KCNT2: variants seen among roughly 807,000 people sequenced by gnomAD.
KCNT2 encodes potassium sodium-activated channel subfamily T member 2, also known as potassium channel subfamily T member 2.
In KCNT2, 67 loss-of-function variants were observed where a neutral mutation model predicts 153.8. That is an observed-to-expected ratio of 0.44 (90% CI 0.36 to 0.53). The LOEUF (loss-of-function observed/expected upper bound fraction) is 0.53, where lower values mean the gene tolerates loss of function less well. KCNT2 is among the 20% of genes least tolerant of loss of function. The pLI is 0.00. For synonymous variants in KCNT2, 500 were observed against 458.8 expected (o/e 1.09, Z -1.15); for missense variants, 975 against 1,354.8 (o/e 0.72, Z 4.40).
At chr1:196,512,469 C>G (rs1370247412) in intron 1 of KCNT2, among the ~76,000 whole-genome samples, 1 of 152,148 alleles carries the variant, frequency 6.6e-6, no homozygotes, top group Non-Finnish European at 1.5e-5. Flanking sequence ...TCCCTGAAAC[C>G]TCCTTTCCAT....
In KCNT2 at chr1:196,338,656, T is replaced by A. The variant is rs1049072150; in HGVS notation, c.1783+1685A>T. On this transcript the variant is annotated intron_variant, in intron 16 of 27. Transcript: ENST00000294725. ...GAAATGATGCTATCAAAATTATATT[T>A]AAAAATTTTTACTCTGGTGGCAGGA... Among the ~76,000 whole-genome samples, 3 of 152,098 alleles carry A rather than the reference T, an allele frequency of 2.0e-5. No homozygotes were observed. In the South Asian group the frequency reaches 6.2e-4, roughly 32 times the overall value.
intron 1 of KCNT2, among the ~76,000 whole-genome samples, chr1:196,605,097 A>T (rs1187698504): frequency 6.6e-6 from 1 of 152,182 alleles, no homozygotes; most frequent in Non-Finnish European, 1.5e-5. Context: ...TGGAGTTTGA[A>T]ATTCTTACAG....
At position 196,424,064 on chromosome 1, in the gene KCNT2, T is replaced by C. The variant is rs557906410; in HGVS notation, c.1122-951A>G. On this transcript the variant is annotated intron_variant, in intron 11 of 27. Transcript: ENST00000294725. ...ACTGCGTCACTCTAACTTGTTTTTTTAAATAGCTTTTAGAGTATGACCAGA... is the reference window on the plus strand; with the variant it reads ...ACTGCGTCACTCTAACTTGTTTTTTCAAATAGCTTTTAGAGTATGACCAGA... 7.2e-5 allele frequency among the ~76,000 whole-genome samples: 11 copies of C among 152,032 alleles called. No homozygotes were observed. The East Asian group carries it at 1.9e-3, about 27-fold the overall frequency.
At chr1:196,323,551 A>G (rs897491562) in intron 19 of KCNT2, among the ~76,000 whole-genome samples, 1 of 151,964 alleles carries the variant, frequency 6.6e-6, no homozygotes, top group Non-Finnish European at 1.5e-5. Context: ...GCTTTTCAAT[A>G]TGACTGAGTT....
At chr1:196,352,654 C>T (rs1033523462) in intron 14 of KCNT2, among the ~76,000 whole-genome samples, 1 of 152,026 alleles carries the variant, frequency 6.6e-6, no homozygotes, top group Non-Finnish European at 1.5e-5. Context: ...TTCAAAAAAC[C>T]AGCTCCTGGA....
chr1:196,244,327 A>C (rs1655228667), intron 26 of KCNT2, among the ~76,000 whole-genome samples: 1 of 152,020 alleles, frequency 6.6e-6, no homozygotes, highest in Admixed American at 6.6e-5. Context: ...GGGAAGAGTA[A>C]AGGGGACTTT....
chr1:196,354,149 C>G (rs1031378261), intron 14 of KCNT2, among the ~76,000 whole-genome samples: 2 of 151,490 alleles, frequency 1.3e-5, no homozygotes, highest in African/African-American at 4.8e-5. Context: ...TATAAGAATG[C>G]CATCACACTA....
intron 26 of KCNT2, chr1:196,257,931 T>A: frequency 3.1e-6 from 3 of 959,516 alleles, no homozygotes; most frequent in Non-Finnish European, 3.7e-6. Flanking sequence ...TGGCTCAGAG[T>A]TTTTGTGAAA....
chr1:196,447,845 C>T (rs1675828272), intron 8 of KCNT2, among the ~76,000 whole-genome samples: 2 of 150,680 alleles, frequency 1.3e-5, no homozygotes, highest in South Asian at 2.1e-4. Context: ...TCTTGAAATC[C>T]GTCTACCTCT....
intron 16 of KCNT2, among the ~76,000 whole-genome samples, chr1:196,338,419 G>C (rs151287846): frequency 3.3e-5 from 5 of 151,950 alleles, no homozygotes; most frequent in African/African-American, 1.2e-4. Flanking sequence ...TTCTAAACTA[G>C]GATACTGCAG....
chr1:196,367,695 A>C (rs2148304261), intron 14 of KCNT2, among the ~76,000 whole-genome samples: 1 of 152,294 alleles, frequency 6.6e-6, no homozygotes, highest in South Asian at 2.1e-4. Flanking sequence ...AACTGTATTG[A>C]CTACTCCAAA....
chr1:196,304,055 G>T (rs977700084), intron 22 of KCNT2, among the ~76,000 whole-genome samples: 1 of 152,080 alleles, frequency 6.6e-6, no homozygotes, highest in African/African-American at 2.4e-5. Context: ...CTTGGGAGAG[G>T]TATCTATCTA....
chr1:196,282,390 T>G lies in KCNT2; in HGVS notation c.2698-34A>C, dbSNP rs766674980. On this transcript the variant is annotated intron_variant, in intron 23 of 27. Transcript: ENST00000294725. ...TAAACAAACAAACAATATATAAATG[T>G]ATATTTATATATAATGTGTATGAGA... 22 of 1,043,006 alleles carry G rather than the reference T, an allele frequency of 2.1e-5. No homozygotes were observed. In the South Asian group the frequency reaches 2.7e-4, roughly 13 times the overall value. 64.6% of individuals were successfully genotyped at this position (1,043,006 alleles called of 1,614,324 possible).
intron 13 of KCNT2, among the ~76,000 whole-genome samples, chr1:196,385,508 C>T (rs928953079): frequency 2.7e-4 from 41 of 151,900 alleles, no homozygotes; most frequent in African/African-American, 9.9e-4. Context: ...CTACTAATTT[C>T]AGAATATAAA....
intron 3 of KCNT2, among the ~76,000 whole-genome samples, chr1:196,482,682 G>A (rs569834215): frequency 8.9e-4 from 135 of 152,008 alleles, no homozygotes; most frequent in Middle Eastern, 3.4e-3. Context: ...ATTCTACACC[G>A]AAAAGTCATT....
intron 19 of KCNT2, among the ~76,000 whole-genome samples, chr1:196,320,385 A>G (rs1020864769): frequency 1.1e-4 from 17 of 151,898 alleles, no homozygotes; most frequent in Non-Finnish European, 2.2e-4. Flanking sequence ...TGTAAGAAAT[A>G]AAGAGTTTTA....
rs1009386119 is a variant in KCNT2 at position 196,348,764 on chromosome 1, G to T, written c.1404-6536C>A. 3.3e-5 allele frequency among the ~76,000 whole-genome samples: 5 copies of T among 152,170 alleles called. No homozygotes were observed. The East Asian group carries it at 7.8e-4, about 24-fold the overall frequency. On this transcript the variant is annotated intron_variant, in intron 14 of 27. Transcript: ENST00000294725. The stretch of plus-strand genomic sequence containing the variant: ...ATCCCGGCCAGGCACGGTGGCTCAC[G>T]CCTGTAATCCCAACACTTTGGGAGG...
At chr1:196,433,862 G>A (rs1040540211) in intron 8 of KCNT2, among the ~76,000 whole-genome samples, 1 of 152,002 alleles carries the variant, frequency 6.6e-6, no homozygotes, top group Non-Finnish European at 1.5e-5. Context: ...TTAGGTAGCT[G>A]GGTAGGTACA....
At chr1:196,534,794 G>A (rs775486984) in intron 1 of KCNT2, among the ~76,000 whole-genome samples, 2 of 152,102 alleles carry the variant, frequency 1.3e-5, no homozygotes, top group Non-Finnish European at 2.9e-5. Flanking sequence ...GTGGAACTTC[G>A]TGGAAATGAC....
Sources: gnomAD v4.1 joint callset for allele counts (sites outside exome capture counted in the v4.1 genomes callset) on GRCh38, gnomAD v4.1.1 for gene constraint, MANE v1.5 for transcripts, NCBI Gene and HGNC (gene_info 2026-07-23, HGNC 2026-07-21) for gene names.